ZNF827: variants seen among roughly 807,000 people sequenced by gnomAD.
ZNF827 encodes zinc finger protein 827.
Under a neutral mutation model 102.4 loss-of-function variants are expected in ZNF827, and 13 were observed. That is an observed-to-expected ratio of 0.13 (90% CI 0.08 to 0.20). The LOEUF (loss-of-function observed/expected upper bound fraction) is 0.20, where lower values mean the gene tolerates loss of function less well. Ranked by LOEUF, ZNF827 falls within the 10% of genes least tolerant of loss-of-function variation. ZNF827 has a pLI of 1.00. For synonymous variants in ZNF827, 523 were observed against 536.2 expected, an observed-to-expected ratio of 0.98 and a Z score of 0.34; for missense variants, 1,103 against 1,344.4, an observed-to-expected ratio of 0.82 and a Z score of 2.81.
intron 5 of ZNF827, among the ~76,000 whole-genome samples, chr4:145,856,535 T>C (rs1579389073): frequency 6.6e-6 from 1 of 152,152 alleles, no homozygotes; most frequent in Non-Finnish European, 1.5e-5. Flanking sequence ...AAACTGGCCA[T>C]CTGTTCCTGG....
rs776383528 is a variant in ZNF827, at chr4:145,902,710, G to A, written c.549C>T (p.Tyr183=). The change falls in exon 2 of 15, where the codon TAC becomes TAT. Residue 183 remains tyrosine, a synonymous_variant. Transcript: ENST00000508784. This position sits in a 1 kb window ranked among gnomAD's most constrained non-coding sequence, Gnocchi z 4.3. ...LAEKQEQNDQ[Y]TPSNRFIWNQ... ...TCCATATAAAACGGTTACTTGGAGT[G>A]TATTGGTCATTCTGTTCCTGCTTCT... The A allele has an allele frequency of 1.9e-6, 3 of 1,614,042 alleles. No homozygotes were observed. Among genetic ancestry groups the A allele is most frequent in the South Asian group, 1.1e-5 (1 of 91,084 alleles).
intron 4 of ZNF827, among the ~76,000 whole-genome samples, chr4:145,878,546 GA>G (rs949506187): frequency 7.3e-6 from 1 of 137,756 alleles, no homozygotes; most frequent in Non-Finnish European, 1.6e-5. Flanking sequence ...CATCTCGAAA[GA>G]AAAAAAAGAC....
chr4:145,898,079 C>T (rs552265646), intron 2 of ZNF827, among the ~76,000 whole-genome samples: 26 of 152,222 alleles, frequency 1.7e-4, no homozygotes, highest in East Asian at 7.7e-4. Context: ...TGCTTGAACC[C>T]GGGAGGCGGA....
chr4:145,763,054 G>A lies in ZNF827; in HGVS notation c.*17+36C>T. On this transcript the variant is annotated intron_variant, in intron 14 of 14. Transcript: ENST00000508784. This position sits in a 1 kb window ranked among gnomAD's most constrained non-coding sequence, Gnocchi z 4.6. ...AATATAAAGCCCATTCCCAGGTCAG[G>A]TGCACACACAACCCCTACGCCAAGC... is the stretch of plus-strand genomic sequence containing the variant. The A allele has an allele frequency of 6.5e-7, 1 of 1,529,122 alleles. No individual in the cohort carries two copies. Among genetic ancestry groups the A allele is most frequent in the Non-Finnish European group, 8.8e-7 (1 of 1,141,276 alleles). The allele number at this position is 1,529,122 out of a possible 1,614,324, so 94.7% of individuals were successfully genotyped here.
chr4:145,871,948 C>T (rs75405301), intron 4 of ZNF827, among the ~76,000 whole-genome samples: 1,818 of 152,302 alleles, frequency 0.012, 21 homozygotes, highest in Non-Finnish European at 0.018. Flanking sequence ...GCCTCCACCG[C>T]ACCACCTCCA....
At chr4:145,917,055 A>C (rs985183201) in intron 1 of ZNF827, among the ~76,000 whole-genome samples, 3 of 152,118 alleles carry the variant, frequency 2.0e-5, no homozygotes, top group African/African-American at 7.2e-5. Flanking sequence ...TTAGTTTACC[A>C]CTAGCTCTCT....
chr4:145,926,240 C>A (rs1753413293), intron 1 of ZNF827, among the ~76,000 whole-genome samples: 1 of 152,146 alleles, frequency 6.6e-6, no homozygotes, highest in Non-Finnish European at 1.5e-5. Flanking sequence ...GGATGAATAA[C>A]AATTTACTCC....
intron 9 of ZNF827, among the ~76,000 whole-genome samples, chr4:145,776,996 T>A (rs548581787): frequency 6.6e-6 from 1 of 152,198 alleles, no homozygotes; most frequent in East Asian, 1.9e-4. Flanking sequence ...TAGCAGAAGA[T>A]GAAGGAAAGA....
intron 3 of ZNF827, among the ~76,000 whole-genome samples, chr4:145,887,461 T>C (rs572623969): frequency 2.0e-5 from 3 of 152,300 alleles, no homozygotes; most frequent in African/African-American, 7.2e-5. Context: ...GGTGAGATCC[T>C]GTCGCTACAG....
At chr4:145,833,051 GATCA>G (rs1229658344) in intron 7 of ZNF827, 2 of 193,776 alleles carry the variant, frequency 1.0e-5, no homozygotes, top group Non-Finnish European at 2.1e-5. Flanking sequence ...TCCCTTGGGA[GATCA>G]ATCCCCTGTC....
At chr4:145,818,250 T>C (rs1271782987) in intron 8 of ZNF827, among the ~76,000 whole-genome samples, 1 of 152,220 alleles carries the variant, frequency 6.6e-6, no homozygotes, top group African/African-American at 2.4e-5. Context: ...GGCAGCAAGA[T>C]AGGGCAGAAA....
intron 7 of ZNF827, among the ~76,000 whole-genome samples, chr4:145,837,981 C>T (rs1745040330): frequency 1.3e-5 from 2 of 152,052 alleles, no homozygotes; most frequent in Admixed American, 6.5e-5. Context: ...ATACCACCCC[C>T]CAAAAATTTT....
chr4:145,763,592 G>C lies in ZNF827; in HGVS notation c.3231-470C>G, dbSNP rs1734841432. 6.6e-6 allele frequency among the ~76,000 whole-genome samples: 1 copy of C among 152,206 alleles called. No individual in the cohort carries two copies. The highest frequency in any genetic ancestry group is 2.1e-4 in the South Asian group (1 of 4,824). On this transcript the variant is annotated intron_variant, in intron 13 of 14. Coordinates refer to ENST00000508784, the MANE Select transcript of ZNF827 (RefSeq NM_001306215.2). The surrounding 1 kb of genome is among the most constrained non-coding windows in gnomAD (Gnocchi z 4.6). Reference sequence around the variant, plus strand: ...GGGACTTTGGAGGTCCCTGAGGAAAGGCGAACTGGCAAAGCCACAACTGGC... The same window carrying C: ...GGGACTTTGGAGGTCCCTGAGGAAACGCGAACTGGCAAAGCCACAACTGGC...
At chr4:145,797,112 A>G (rs1249822085) in intron 8 of ZNF827, among the ~76,000 whole-genome samples, 1 of 152,218 alleles carries the variant, frequency 6.6e-6, no homozygotes, top group Non-Finnish European at 1.5e-5. Flanking sequence ...GGTTTTACAA[A>G]GAATTTTGGT....
intron 8 of ZNF827, among the ~76,000 whole-genome samples, chr4:145,780,830 T>C (rs1003321459): frequency 6.6e-6 from 1 of 152,242 alleles, no homozygotes; most frequent in Non-Finnish European, 1.5e-5. Flanking sequence ...TAAAGCTCAG[T>C]ACTGCATTAT....
intron 8 of ZNF827, among the ~76,000 whole-genome samples, chr4:145,783,094 T>A (rs187687645): frequency 1.6e-4 from 25 of 152,310 alleles, no homozygotes; most frequent in African/African-American, 6.0e-4. Flanking sequence ...ATATTCTGCA[T>A]ATAAAGCACC....
rs1039067018 is a variant in ZNF827 at position 145,898,649 on chromosome 4, G to A, written c.1093+3517C>T. 7.2e-5 allele frequency among the ~76,000 whole-genome samples: 11 copies of A among 152,010 alleles called. No individual in the cohort carries two copies. The East Asian group carries it at 9.7e-4, about 13-fold the overall frequency. ...GAGCCGTGTAGCATGTGCTGGGGGCGCAGGGTCACATGAAAGAAACCTCCC... is the reference window on the plus strand; with the variant it reads ...GAGCCGTGTAGCATGTGCTGGGGGCACAGGGTCACATGAAAGAAACCTCCC... On this transcript the variant is annotated intron_variant, in intron 2 of 14. Coordinates refer to ENST00000508784, the MANE Select transcript of ZNF827 (RefSeq NM_001306215.2).
chr4:145,853,068 A>T (rs1172557854), intron 5 of ZNF827, among the ~76,000 whole-genome samples: 1 of 152,250 alleles, frequency 6.6e-6, no homozygotes, highest in South Asian at 2.1e-4. Flanking sequence ...GCTCCAAAGA[A>T]AGTTCAATCA....
Position 145,761,756 on chromosome 4 carries a change from G to A in ZNF827, c.*18-158C>T, listed in dbSNP as rs186631453. Among the ~76,000 whole-genome samples, 77 of 152,262 alleles carry A rather than the reference G, an allele frequency of 5.1e-4. No homozygotes were observed. The highest frequency in any genetic ancestry group is 9.2e-4 in the Admixed American group (14 of 15,300). On this transcript the variant is annotated intron_variant, in intron 14 of 14. Coordinates refer to ENST00000508784, the MANE Select transcript of ZNF827 (RefSeq NM_001306215.2). The surrounding 1 kb of genome is among the most constrained non-coding windows in gnomAD (Gnocchi z 6.8). ...CCCTGCCGCCTCTCAGGGGTGGAACGGCCCTTTTTGGCTCTCCCTGCTGAC... is the reference window on the plus strand; with the variant it reads ...CCCTGCCGCCTCTCAGGGGTGGAACAGCCCTTTTTGGCTCTCCCTGCTGAC...
Sources: gnomAD v4.1 joint callset for allele counts (sites outside exome capture counted in the v4.1 genomes callset) on GRCh38, gnomAD v4.1.1 for gene constraint, Gnocchi (gnomAD v3.1) non-coding constraint, MANE v1.5 for transcripts, NCBI Gene and HGNC (gene_info 2026-07-23, HGNC 2026-07-21) for gene names.